ZFPM2: variants seen among roughly 807,000 people sequenced by gnomAD.
ZFPM2 encodes the protein zinc finger protein ZFPM2.
ZFPM2 carries 20 observed loss-of-function variants against 98.6 expected under a neutral mutation model. The ratio of observed to expected loss-of-function variants is 0.20; its 90% CI spans 0.14 to 0.29. The LOEUF (loss-of-function observed/expected upper bound fraction) is 0.29, where lower values mean the gene tolerates loss of function less well. ZFPM2 is among the 10% of genes least tolerant of loss of function. The pLI, the probability that ZFPM2 is intolerant of heterozygous loss-of-function variation, is 1.00. For missense variants in ZFPM2, 1,310 were observed against 1,388.6 expected, an observed-to-expected ratio of 0.94 and a Z score of 0.90; for synonymous variants, 518 against 502.7, an observed-to-expected ratio of 1.03 and a Z score of -0.41.
intron 2 of ZFPM2, among the ~76,000 whole-genome samples, chr8:105,422,047 C>CAAAAA (rs747630701): frequency 1.9e-5 from 1 of 51,556 alleles, no homozygotes. Context: ...GACTCCATCT[C>CAAAAA]AAAAAAAAAA....
At chr8:105,691,275 T>C (rs1810874536) in intron 5 of ZFPM2, among the ~76,000 whole-genome samples, 1 of 95,708 alleles carries the variant, frequency 1.0e-5, no homozygotes, top group African/African-American at 4.5e-5. Flanking sequence ...GGAGTCTCGC[T>C]CTGTCGCCCA....
At chr8:105,771,794 T>C (rs369790936) in intron 5 of ZFPM2, among the ~76,000 whole-genome samples, 72 of 152,276 alleles carry the variant, frequency 4.7e-4, no homozygotes, top group Non-Finnish European at 1.3e-4. Flanking sequence ...GAGGACTCCC[T>C]TTTTCTGTTT....
At position 105,417,966 on chromosome 8, in the gene ZFPM2, TTC is replaced by T. The variant is rs569235644; in HGVS notation, c.41-1176_41-1175del. On this transcript the variant is annotated intron_variant, in intron 1 of 7. Transcript: ENST00000407775. ...CCCTTCATTTAAACCCATCCAATTA[TTC>T]TGTCTATGCCAAGGTGTCATATGAA... Among the ~76,000 whole-genome samples the T allele has an allele frequency of 1.4e-3, 207 of 152,326 alleles. 2 individuals carry two copies. Among genetic ancestry groups the T allele is most frequent in the African/African-American group, 4.7e-3 (196 of 41,586 alleles).
chr8:105,548,258 AT>A, intron 3 of ZFPM2, among the ~76,000 whole-genome samples: 1 of 152,164 alleles, frequency 6.6e-6, no homozygotes, highest in South Asian at 2.1e-4. Context: ...CCTTATATTA[AT>A]TTCAGGAGTT....
chr8:105,744,713 G>T (rs1383241050), intron 5 of ZFPM2, among the ~76,000 whole-genome samples: 2 of 102,564 alleles, frequency 1.9e-5, no homozygotes, highest in Non-Finnish European at 3.9e-5. Context: ...TTAGATAAGC[G>T]TAGGGTGAAG....
At chr8:105,513,901 T>C (rs1586428181) in intron 3 of ZFPM2, among the ~76,000 whole-genome samples, 1 of 152,160 alleles carries the variant, frequency 6.6e-6, no homozygotes, top group East Asian at 1.9e-4. Flanking sequence ...AATCACTCAC[T>C]CTCATTCTGC....
At chr8:105,559,730 T>G (rs2130694415) in intron 3 of ZFPM2, among the ~76,000 whole-genome samples, 1 of 151,462 alleles carries the variant, frequency 6.6e-6, no homozygotes, top group Non-Finnish European at 1.5e-5. Context: ...TAAAAGGAGG[T>G]GACACTAAAT....
chr8:105,453,755 C>T (rs924706974), intron 3 of ZFPM2, among the ~76,000 whole-genome samples: 2 of 151,968 alleles, frequency 1.3e-5, no homozygotes, highest in Non-Finnish European at 2.9e-5. Context: ...GATTCTCTTG[C>T]GTCAGCCTCC....
intron 1 of ZFPM2, among the ~76,000 whole-genome samples, chr8:105,376,762 A>T (rs377694087): frequency 6.6e-4 from 100 of 152,332 alleles, no homozygotes; most frequent in African/African-American, 2.3e-3. Flanking sequence ...GTTTTAGTAC[A>T]GATCATCATC....
At chr8:105,671,189 A>C (rs1341907441) in intron 5 of ZFPM2, among the ~76,000 whole-genome samples, 2 of 152,070 alleles carry the variant, frequency 1.3e-5, no homozygotes, top group Non-Finnish European at 2.9e-5. Flanking sequence ...ATATTGTAGT[A>C]TATCAGAATT....
At chr8:105,757,124 T>C (rs1312290101) in intron 5 of ZFPM2, among the ~76,000 whole-genome samples, 1 of 152,102 alleles carries the variant, frequency 6.6e-6, no homozygotes, top group African/African-American at 2.4e-5. Flanking sequence ...TGTGGGGAAA[T>C]ATAGTCCAAC....
chr8:105,564,944 A>G (rs1244274712), intron 4 of ZFPM2, among the ~76,000 whole-genome samples: 1 of 152,234 alleles, frequency 6.6e-6, no homozygotes, highest in East Asian at 1.9e-4. Context: ...AATATTCCTT[A>G]TAATAAAATA....
intron 3 of ZFPM2, among the ~76,000 whole-genome samples, chr8:105,493,118 A>C (rs1295992264): frequency 1.3e-5 from 2 of 152,198 alleles, no homozygotes; most frequent in Non-Finnish European, 2.9e-5. Context: ...GAAATGCTAT[A>C]AATTTAATTA....
At chr8:105,683,240 A>C (rs1179522159) in intron 5 of ZFPM2, among the ~76,000 whole-genome samples, 1 of 152,102 alleles carries the variant, frequency 6.6e-6, no homozygotes, top group Non-Finnish European at 1.5e-5. Flanking sequence ...CTGTGTTGTA[A>C]TGAGACTGTG....
chr8:105,445,811 C>T (rs1812356991), intron 3 of ZFPM2, among the ~76,000 whole-genome samples: 1 of 151,890 alleles, frequency 6.6e-6, no homozygotes, highest in African/African-American at 2.4e-5. Context: ...CACCACGTGG[C>T]CCAGGCTAGT....
intron 5 of ZFPM2, among the ~76,000 whole-genome samples, chr8:105,750,339 AT>A (rs1170948079): frequency 2.0e-5 from 3 of 152,052 alleles, no homozygotes; most frequent in African/African-American, 7.2e-5. Flanking sequence ...GTCTTAGTTA[AT>A]TGTATGTGTA....
chr8:105,318,993 C>G lies in ZFPM2; in HGVS notation c.40+12C>G, dbSNP rs149902904. On this transcript the variant is annotated intron_variant, in intron 1 of 7. Transcript: ENST00000407775. ...CCGGCAGATCAAACGTAAGTTTGCGCGCGGGGCCGGGAGTTGGTGGGATTA... is the reference window on the plus strand; with the variant it reads ...CCGGCAGATCAAACGTAAGTTTGCGGGCGGGGCCGGGAGTTGGTGGGATTA... The G allele has an allele frequency of 0.011, 16,127 of 1,491,686 alleles. 114 individuals carry two copies. Among genetic ancestry groups the G allele is most frequent in the Non-Finnish European group, 0.013 (14,518 of 1,112,870 alleles). 92.4% of individuals were successfully genotyped at this position (1,491,686 alleles called of 1,614,324 possible).
At chr8:105,584,253 G>A (rs961913139) in intron 4 of ZFPM2, among the ~76,000 whole-genome samples, 5 of 151,884 alleles carry the variant, frequency 3.3e-5, no homozygotes, top group African/African-American at 1.2e-4. Context: ...GAAAACACAG[G>A]ATGACTAATT....
At chr8:105,778,509 C>CGTGTGT (rs1458148835) in intron 5 of ZFPM2, among the ~76,000 whole-genome samples, 1 of 144,502 alleles carries the variant, frequency 6.9e-6, no homozygotes, top group Non-Finnish European at 1.5e-5. Context: ...TGTGTGTGTG[C>CGTGTGT]GTGTGTGTGT....
Sources: allele counts gnomAD v4.1 joint callset (sites outside exome capture counted in the v4.1 genomes callset), GRCh38; gene constraint gnomAD v4.1.1; transcripts MANE v1.5; gene names NCBI Gene and HGNC (gene_info 2026-07-23, HGNC 2026-07-21).